KCNIP4: variants seen among roughly 807,000 people sequenced by gnomAD.
KCNIP4 encodes Kv channel-interacting protein 4.
KCNIP4 carries 12 observed loss-of-function variants against 34.0 expected under a neutral mutation model. The observed-to-expected ratio is 0.35, with a 90% CI of 0.23 to 0.57. The LOEUF is 0.57. Among genes scored for constraint, KCNIP4 ranks in the 20% least tolerant of loss-of-function variants. The pLI is 0.83. For missense variants in KCNIP4, 238 were observed against 311.7 expected (o/e 0.76, Z 1.78); for synonymous variants, 124 against 102.2 (o/e 1.21, Z -1.29).
Position 21,065,734 on chromosome 4 carries a change from AT to A in KCNIP4, c.62-183026del, listed in dbSNP as rs1560690256. Among the ~76,000 whole-genome samples, 155 of 104,852 alleles carry A rather than the reference AT, an allele frequency of 1.5e-3. 4 individuals are homozygous for A. Among genetic ancestry groups the A allele is most frequent in the African/African-American group, 4.9e-3 (143 of 29,000 alleles). 68.8% of individuals were successfully genotyped at this position (104,852 alleles called of 152,430 possible). A position where few individuals can be genotyped will look rare whatever the true frequency, so the allele number is the denominator to read the frequency against. On this transcript the variant is annotated intron_variant, in intron 1 of 8. Coordinates refer to ENST00000382152, the MANE Select transcript of KCNIP4 (RefSeq NM_025221.6). ...AGATTGGTATCATTTGTCTATATATATATATATATATATATATATATATATA... is the reference window on the plus strand; with the variant it reads ...AGATTGGTATCATTTGTCTATATATAATATATATATATATATATATATATA...
At chr4:20,885,242 G>T (rs1341702005) in intron 1 of KCNIP4, among the ~76,000 whole-genome samples, 1 of 151,560 alleles carries the variant, frequency 6.6e-6, no homozygotes, top group Non-Finnish European at 1.5e-5. Context: ...TTCTGCTAAG[G>T]TGTAGCCATA....
chr4:21,245,915 G>C (rs938884411), intron 1 of KCNIP4, among the ~76,000 whole-genome samples: 25 of 152,156 alleles, frequency 1.6e-4, no homozygotes, highest in African/African-American at 5.3e-4. Context: ...AGGAAGACAA[G>C]GATAGTCTTT....
At chr4:21,207,262 C>A (rs1423222558) in intron 1 of KCNIP4, among the ~76,000 whole-genome samples, 1 of 152,058 alleles carries the variant, frequency 6.6e-6, no homozygotes, top group Non-Finnish European at 1.5e-5. Flanking sequence ...TAAAGATGAG[C>A]TTGGAAAAGG....
intron 1 of KCNIP4, among the ~76,000 whole-genome samples, chr4:21,372,413 GAT>G (rs869176613): frequency 8.9e-5 from 13 of 146,860 alleles, no homozygotes; most frequent in Non-Finnish European, 1.5e-4. Flanking sequence ...CAGACAGACA[GAT>G]ACAGATATAG....
intron 1 of KCNIP4, among the ~76,000 whole-genome samples, chr4:21,241,724 AG>A (rs1340322284): frequency 1.3e-5 from 2 of 152,256 alleles, no homozygotes; most frequent in East Asian, 3.9e-4. Flanking sequence ...TTTTGTTTAA[AG>A]CTCTGAGTGG....
At chr4:20,911,320 T>C (rs2149570627) in intron 1 of KCNIP4, among the ~76,000 whole-genome samples, 1 of 152,320 alleles carries the variant, frequency 6.6e-6, no homozygotes, top group South Asian at 2.1e-4. Context: ...TGTGTTTGCT[T>C]ACAGCATTTA....
chr4:21,515,420 C>T (rs1016328626), intron 1 of KCNIP4, among the ~76,000 whole-genome samples: 1 of 152,018 alleles, frequency 6.6e-6, no homozygotes, highest in East Asian at 1.9e-4. Flanking sequence ...GGGTGGATCA[C>T]GAGGTCAGGA....
rs140199419 is a variant in KCNIP4 at position 21,810,253 on chromosome 4, A to G, written c.61+138318T>C. 1.5e-4 allele frequency among the ~76,000 whole-genome samples: 23 copies of G among 152,350 alleles called. No individual in the cohort carries two copies. The East Asian group carries it at 4.4e-3, about 29-fold the overall frequency. ...CTATCAAGTACATAAAACAAGAACA[A>G]TGCATAGAAATATTCAATAGCATAA... On this transcript the variant is annotated intron_variant, in intron 1 of 8. Transcript: ENST00000382152.
At chr4:21,763,190 T>C (rs145714798) in intron 1 of KCNIP4, among the ~76,000 whole-genome samples, 2 of 152,158 alleles carry the variant, frequency 1.3e-5, no homozygotes, top group Non-Finnish European at 2.9e-5. Context: ...CAGATTATCA[T>C]TTTAAATATA....
intron 1 of KCNIP4, among the ~76,000 whole-genome samples, chr4:21,466,183 G>T (rs1206283956): frequency 1.3e-5 from 2 of 152,008 alleles, no homozygotes; most frequent in Admixed American, 6.6e-5. Context: ...TTTGTTCAGG[G>T]TATTAAAATC....
chr4:21,377,257 C>T (rs1303645032), intron 1 of KCNIP4, among the ~76,000 whole-genome samples: 1 of 152,120 alleles, frequency 6.6e-6, no homozygotes, highest in Non-Finnish European at 1.5e-5. Context: ...GGTAACCCTG[C>T]TAGGGATAAT....
chr4:21,457,689 G>A (rs1278465426), intron 1 of KCNIP4, among the ~76,000 whole-genome samples: 1 of 151,994 alleles, frequency 6.6e-6, no homozygotes, highest in African/African-American at 2.4e-5. Flanking sequence ...ATGGACAGAT[G>A]GAAGAAGTGA....
chr4:21,534,209 T>C (rs1157687214), intron 1 of KCNIP4, among the ~76,000 whole-genome samples: 1 of 152,178 alleles, frequency 6.6e-6, no homozygotes, highest in Non-Finnish European at 1.5e-5. Flanking sequence ...ATATATCAAA[T>C]GTTAGCTCTA....
chr4:20,923,768 A>C (rs577769425), intron 1 of KCNIP4, among the ~76,000 whole-genome samples: 2 of 152,268 alleles, frequency 1.3e-5, no homozygotes, highest in South Asian at 2.1e-4. Flanking sequence ...TTATTTTCTC[A>C]TGCTCAAAAA....
chr4:20,858,147 G>T (rs1721807106), intron 2 of KCNIP4, among the ~76,000 whole-genome samples: 1 of 143,096 alleles, frequency 7.0e-6, no homozygotes, highest in African/African-American at 2.6e-5. Flanking sequence ...GGAGGCAGAG[G>T]TTGCAGTGAG....
chr4:21,509,185 T>C lies in KCNIP4; in HGVS notation c.61+439386A>G, dbSNP rs143846613. ...TATGAAAACTGGGAAGGAATAGAAATAGATAGTGATGCTAACCAGCATGTA... is the reference window on the plus strand; with the variant it reads ...TATGAAAACTGGGAAGGAATAGAAACAGATAGTGATGCTAACCAGCATGTA... On this transcript the variant is annotated intron_variant, in intron 1 of 8. Coordinates refer to ENST00000382152, the MANE Select transcript of KCNIP4 (RefSeq NM_025221.6). Among the ~76,000 whole-genome samples, 217 of 152,238 alleles carry C rather than the reference T, an allele frequency of 1.4e-3. 1 individual carries two copies. Among genetic ancestry groups the C allele is most frequent in the African/African-American group, 4.9e-3 (205 of 41,538 alleles).
At chr4:21,629,018 A>G (rs1214211448) in intron 1 of KCNIP4, among the ~76,000 whole-genome samples, 2 of 152,204 alleles carry the variant, frequency 1.3e-5, no homozygotes, top group Non-Finnish European at 2.9e-5. Flanking sequence ...TGAGATAATA[A>G]AATTGCATTT....
chr4:21,426,860 CTTT>C (rs1418995538), intron 1 of KCNIP4, among the ~76,000 whole-genome samples: 6 of 151,190 alleles, frequency 4.0e-5, no homozygotes, highest in African/African-American at 1.5e-4. Context: ...ATCCAAGCTG[CTTT>C]TTAATGAAAT....
chr4:20,813,654 C>T (rs188434453), intron 3 of KCNIP4, among the ~76,000 whole-genome samples: 3 of 152,140 alleles, frequency 2.0e-5, no homozygotes, highest in Admixed American at 6.5e-5. Context: ...CAGGGGGGCA[C>T]TAAAGAAGCT....
Sources: gnomAD v4.1 joint callset for allele counts (sites outside exome capture counted in the v4.1 genomes callset) on GRCh38, gnomAD v4.1.1 for gene constraint, MANE v1.5 for transcripts, NCBI Gene and HGNC (gene_info 2026-07-23, HGNC 2026-07-21) for gene names.